CENPP: variants seen among roughly 807,000 people sequenced by gnomAD.
CENPP encodes the protein centromere protein P.
A neutral mutation model predicts 35.6 loss-of-function variants in CENPP; 24 were observed. That is an observed-to-expected ratio of 0.67 (90% CI 0.49 to 0.95). CENPP has a LOEUF of 0.95. Among genes scored for constraint, CENPP ranks in the 40% least tolerant of loss-of-function variants. CENPP has a pLI of 0.00. For missense variants in CENPP, 332 were observed against 345.3 expected (o/e 0.96, Z 0.31); for synonymous variants, 120 against 125.5 (o/e 0.96, Z 0.29).
At chr9:92,393,075 G>A in intron 5 of CENPP, 3 of 1,609,378 alleles carry the variant, frequency 1.9e-6, no homozygotes, top group Non-Finnish European at 2.5e-6. Context: ...TCATATTTCA[G>A]CTTAACTTAC....
At chr9:92,424,851 T>C (rs909627837) in intron 5 of CENPP, among the ~76,000 whole-genome samples, 7 of 151,896 alleles carry the variant, frequency 4.6e-5, no homozygotes, top group African/African-American at 1.7e-4. Context: ...ATTTCTTGTA[T>C]TTTTAGTAGA....
At chr9:92,592,879 A>G (rs1331208823) in intron 5 of CENPP, among the ~76,000 whole-genome samples, 1 of 152,240 alleles carries the variant, frequency 6.6e-6, no homozygotes, top group Non-Finnish European at 1.5e-5. Flanking sequence ...TCATCAGTAT[A>G]TACCCAGCAT....
chr9:92,446,934 T>G (rs1348890973), intron 5 of CENPP, among the ~76,000 whole-genome samples: 1 of 151,556 alleles, frequency 6.6e-6, no homozygotes, highest in African/African-American at 2.4e-5. Flanking sequence ...TAGTCAACTA[T>G]GTATTCATCT....
chr9:92,428,180 G>T (rs1844016689), intron 5 of CENPP, among the ~76,000 whole-genome samples: 1 of 152,136 alleles, frequency 6.6e-6, no homozygotes, highest in African/African-American at 2.4e-5. Flanking sequence ...TGAATTCATG[G>T]CCCATACTCA....
chr9:92,406,741 G>C (rs866858571), intron 5 of CENPP, among the ~76,000 whole-genome samples: 1 of 152,108 alleles, frequency 6.6e-6, no homozygotes, highest in African/African-American at 2.4e-5. Context: ...AACTGTGGAC[G>C]TAAGTTTCTT....
intron 5 of CENPP, among the ~76,000 whole-genome samples, chr9:92,552,740 A>G (rs1482943712): frequency 6.6e-6 from 1 of 151,990 alleles, no homozygotes; most frequent in Non-Finnish European, 1.5e-5. Flanking sequence ...TCTGGTTATT[A>G]GTGCTTTGTC....
At chr9:92,388,001 C>T (rs1472134027) in intron 5 of CENPP, among the ~76,000 whole-genome samples, 2 of 151,212 alleles carry the variant, frequency 1.3e-5, no homozygotes, top group African/African-American at 2.4e-5. Flanking sequence ...TGAGCTCAGG[C>T]AATCTGCCCG....
At chr9:92,331,832 A>G (rs544425431) in intron 1 of CENPP, among the ~76,000 whole-genome samples, 1 of 152,230 alleles carries the variant, frequency 6.6e-6, no homozygotes, top group East Asian at 1.9e-4. Flanking sequence ...GCACAGTGGC[A>G]TACCTGTGGT....
Position 92,579,450 on chromosome 9 carries a change from A to G in CENPP, c.565-31864A>G, listed in dbSNP as rs1227424557. On this transcript the variant is annotated intron_variant, in intron 5 of 7. Coordinates refer to ENST00000375587, the MANE Select transcript of CENPP (RefSeq NM_001012267.3). ...ACCCATGAGCATGGAATGTTCTTCC[A>G]TTTGTTTGTATCCTCTTTTATTTCG... Among the ~76,000 whole-genome samples the G allele has an allele frequency of 5.3e-5, 8 of 149,818 alleles. No individual in the cohort carries two copies. The East Asian group carries it at 1.4e-3, about 26-fold the overall frequency.
intron 5 of CENPP, among the ~76,000 whole-genome samples, chr9:92,609,680 C>T (rs1258158129): frequency 2.0e-5 from 3 of 152,266 alleles, no homozygotes; most frequent in Non-Finnish European, 4.4e-5. Context: ...AGTCTCCTGT[C>T]ACCCCTGACC....
chr9:92,358,570 C>A lies in CENPP; in HGVS notation c.467+12783C>A, dbSNP rs534944174. On this transcript the variant is annotated intron_variant, in intron 4 of 7. Coordinates refer to ENST00000375587, the MANE Select transcript of CENPP (RefSeq NM_001012267.3). Reference sequence around the variant, plus strand: ...GTTTCCTTACATTCTGTTCACTTTTCCTCATTCTTTTTTCTTTTTATTTCT... The same window carrying A: ...GTTTCCTTACATTCTGTTCACTTTTACTCATTCTTTTTTCTTTTTATTTCT... Among the ~76,000 whole-genome samples the A allele has an allele frequency of 2.0e-5, 3 of 152,192 alleles. No homozygotes were observed. The East Asian group carries it at 5.8e-4, about 29-fold the overall frequency.
intron 5 of CENPP, among the ~76,000 whole-genome samples, chr9:92,470,412 A>G (rs532950974): frequency 2.6e-5 from 4 of 152,296 alleles, no homozygotes; most frequent in African/African-American, 9.6e-5. Flanking sequence ...AATAGATTGT[A>G]AGCTTATTTG....
chr9:92,408,563 C>T (rs1319325977), intron 5 of CENPP, among the ~76,000 whole-genome samples: 3 of 152,092 alleles, frequency 2.0e-5, no homozygotes, highest in South Asian at 2.1e-4. Flanking sequence ...GTTTTTTTAT[C>T]GATTGAACTT....
chr9:92,613,247 C>T lies in CENPP; in HGVS notation c.*98C>T, dbSNP rs1325762668. On this transcript the variant is annotated 3_prime_UTR_variant, in exon 8 of 8. Transcript: ENST00000375587. ...TGCTATTTTCTGCTTAGAAACCACA[C>T]CCTGAAGACGTGCTGTCTATGCAGT... 2 of 1,441,958 alleles carry T rather than the reference C, an allele frequency of 1.4e-6. No homozygotes were observed. Among genetic ancestry groups the T allele is most frequent in the East Asian group, 2.3e-5 (1 of 43,630 alleles). 89.3% of individuals were successfully genotyped at this position (1,441,958 alleles called of 1,614,324 possible).
chr9:92,381,568 T>G (rs1237127425), intron 5 of CENPP, among the ~76,000 whole-genome samples: 1 of 152,200 alleles, frequency 6.6e-6, no homozygotes, highest in African/African-American at 2.4e-5. Context: ...CCCCCTGCCT[T>G]TTTATTAAGG....
intron 5 of CENPP, among the ~76,000 whole-genome samples, chr9:92,596,445 C>G (rs1346164610): frequency 1.4e-5 from 1 of 72,008 alleles, no homozygotes; most frequent in Admixed American, 1.9e-4. Flanking sequence ...GACCCTGTGT[C>G]AAAAAAAAAA....
At chr9:92,518,014 G>C in intron 5 of CENPP, 1 of 1,004,280 alleles carries the variant, frequency 1.0e-6, no homozygotes, top group Non-Finnish European at 1.4e-6. Context: ...ATAGGGTAAA[G>C]ATGTCGTATA....
chr9:92,514,536 A>G (rs1847562520), intron 5 of CENPP: 2 of 1,464,664 alleles, frequency 1.4e-6, no homozygotes, highest in African/African-American at 2.8e-5. Context: ...CAGCCTTTCA[A>G]AGTGCTGAGA....
chr9:92,398,722 A>G (rs1172909280), intron 5 of CENPP, among the ~76,000 whole-genome samples: 2 of 152,172 alleles, frequency 1.3e-5, no homozygotes, highest in East Asian at 1.9e-4. Context: ...ATTGCATGCA[A>G]TGCTTTAGTG....
Sources: allele counts gnomAD v4.1 joint callset (sites outside exome capture counted in the v4.1 genomes callset), GRCh38; gene constraint gnomAD v4.1.1; transcripts MANE v1.5; gene names NCBI Gene and HGNC (gene_info 2026-07-23, HGNC 2026-07-21).